GRIK3: variants seen among roughly 807,000 people sequenced by gnomAD.
The protein encoded by GRIK3 is glutamate receptor ionotropic, kainate 3.
In GRIK3, 29 loss-of-function variants were observed where a neutral mutation model predicts 102.5. The ratio of observed to expected loss-of-function variants is 0.28; its 90% CI spans 0.21 to 0.39. GRIK3 has a LOEUF of 0.39. Among genes scored for constraint, GRIK3 ranks in the 10% least tolerant of loss-of-function variants. GRIK3 has a pLI of 1.00. For missense variants in GRIK3, 908 were observed against 1,252.4 expected, an observed-to-expected ratio of 0.73 and a Z score of 4.15; for synonymous variants, 511 against 504.9, an observed-to-expected ratio of 1.01 and a Z score of -0.16.
intron 7 of GRIK3, among the ~76,000 whole-genome samples, chr1:36,854,549 C>G (rs548920601): frequency 5.3e-5 from 8 of 152,124 alleles, no homozygotes; most frequent in Non-Finnish European, 1.5e-5. Context: ...CTATGGCTAG[C>G]GGGTCAACCT....
intron 1 of GRIK3, among the ~76,000 whole-genome samples, chr1:37,020,099 G>T (rs1030748692): frequency 6.6e-6 from 1 of 152,104 alleles, no homozygotes; most frequent in Non-Finnish European, 1.5e-5. Flanking sequence ...TCTAGTCCAG[G>T]TGTTCCCAGC....
At position 36,855,778 on chromosome 1, in the gene GRIK3, G is replaced by A. The variant is rs1309824487; in HGVS notation, c.1105-2056C>T. On this transcript the variant is annotated intron_variant, in intron 7 of 15. Transcript: ENST00000373091. ...TGGGAAGGGAGGACCAGTCACTTGG[G>A]CCCTGGCCCAAGGCTCCAGTAGAAA... 6.6e-5 allele frequency among the ~76,000 whole-genome samples: 10 copies of A among 152,214 alleles called. No homozygotes were observed. The East Asian group carries it at 1.9e-3, about 29-fold the overall frequency.
chr1:36,872,279 G>A lies in GRIK3; in HGVS notation c.641C>T (p.Ser214Leu), dbSNP rs541445950. The A allele has an allele frequency of 1.4e-5, 22 of 1,613,136 alleles. No homozygotes were observed. Among genetic ancestry groups the A allele is most frequent in the Admixed American group, 3.3e-5 (2 of 59,872 alleles). Reference protein sequence around the residue: ...IRQLPIDSDDSRPLLKEMKRG... With the variant: ...IRQLPIDSDDLRPLLKEMKRG... Reference sequence around the variant, plus strand: ...CTTCATCTCCTTGAGCAAGGGGCGCGAGTCGTCAGAGTCGATGGGGAGCTG... The same window carrying A: ...CTTCATCTCCTTGAGCAAGGGGCGCAAGTCGTCAGAGTCGATGGGGAGCTG... Residue 214 changes from serine to leucine, a missense_variant, in exon 4 of 16, where the codon TCG becomes TTG. Coordinates refer to ENST00000373091, the MANE Select transcript of GRIK3 (RefSeq NM_000831.4). This position sits in a 1 kb window ranked among gnomAD's most constrained non-coding sequence, Gnocchi z 5.9.
chr1:36,958,961 CACCCCAT>C (rs1557441519), intron 1 of GRIK3, among the ~76,000 whole-genome samples: 7 of 71,924 alleles, frequency 9.7e-5, no homozygotes, highest in Admixed American at 4.2e-4. Context: ...TGTGAGCCTG[CACCCCAT>C]GAGCCTCTGT....
chr1:37,031,809 T>G (rs1038434628), intron 1 of GRIK3, among the ~76,000 whole-genome samples: 1 of 152,224 alleles, frequency 6.6e-6, no homozygotes, highest in Admixed American at 6.5e-5. Flanking sequence ...GCTCTTTCTG[T>G]CCATGTCCAC....
At chr1:36,932,350 T>G (rs578115115) in intron 1 of GRIK3, among the ~76,000 whole-genome samples, 1 of 152,176 alleles carries the variant, frequency 6.6e-6, no homozygotes, top group African/African-American at 2.4e-5. Context: ...CTCCCAAGCA[T>G]GCGACAGCCA....
chr1:36,975,581 C>T (rs939466909), intron 1 of GRIK3, among the ~76,000 whole-genome samples: 1 of 152,232 alleles, frequency 6.6e-6, no homozygotes, highest in African/African-American at 2.4e-5. Flanking sequence ...GCATGAGCCA[C>T]TGCGCCCAGC....
chr1:36,975,943 T>C (rs926837846), intron 1 of GRIK3, among the ~76,000 whole-genome samples: 5 of 152,152 alleles, frequency 3.3e-5, no homozygotes, highest in African/African-American at 9.7e-5. Flanking sequence ...GACATGAAAT[T>C]CGAATGAGCA....
intron 1 of GRIK3, among the ~76,000 whole-genome samples, chr1:36,940,290 C>G (rs898714326): frequency 6.6e-6 from 1 of 152,234 alleles, no homozygotes; most frequent in African/African-American, 2.4e-5. Flanking sequence ...CACAGAGGCC[C>G]TATGGCTCTA....
intron 5 of GRIK3, among the ~76,000 whole-genome samples, chr1:36,869,108 G>C (rs1640816653): frequency 1.3e-5 from 2 of 152,224 alleles, no homozygotes; most frequent in African/African-American, 2.4e-5. Flanking sequence ...TTTGGCACAG[G>C]AATCTCTTTA....
intron 5 of GRIK3, among the ~76,000 whole-genome samples, chr1:36,867,946 C>T (rs1304442499): frequency 6.6e-6 from 1 of 152,208 alleles, no homozygotes; most frequent in African/African-American, 2.4e-5. Flanking sequence ...CCCCTCAGCC[C>T]TGCAGCCTGG....
chr1:36,856,240 C>T (rs576620701), intron 7 of GRIK3, among the ~76,000 whole-genome samples: 2 of 152,336 alleles, frequency 1.3e-5, no homozygotes, highest in African/African-American at 2.4e-5. Flanking sequence ...CAGCAGGTGC[C>T]TTCAAACCTG....
At chr1:36,937,029 C>T (rs150662122) in intron 1 of GRIK3, among the ~76,000 whole-genome samples, 3 of 152,144 alleles carry the variant, frequency 2.0e-5, no homozygotes, top group East Asian at 1.9e-4. Flanking sequence ...TGGAGGATAT[C>T]GGGCTGTCCT....
chr1:36,881,029 G>C (rs1640971155), intron 2 of GRIK3, 138 bp from the exon 3 acceptor site: 1 of 873,826 alleles, frequency 1.1e-6, no homozygotes, highest in Admixed American at 2.6e-5. Flanking sequence ...TGAGCTCTCT[G>C]AACCTCAGTT....
intron 1 of GRIK3, among the ~76,000 whole-genome samples, chr1:36,952,161 G>A (rs1490669556): frequency 6.6e-6 from 1 of 152,146 alleles, no homozygotes; most frequent in African/African-American, 2.4e-5. Flanking sequence ...TCTTTCTGCT[G>A]TACAATACGT....
intron 3 of GRIK3, among the ~76,000 whole-genome samples, chr1:36,879,627 C>A (rs1640943925): frequency 6.6e-6 from 1 of 152,160 alleles, no homozygotes; most frequent in South Asian, 2.1e-4. Context: ...ACTTGAGAGG[C>A]AGGGGGTATC....
At chr1:36,953,795 G>A (rs1212607639) in intron 1 of GRIK3, among the ~76,000 whole-genome samples, 1 of 152,096 alleles carries the variant, frequency 6.6e-6, no homozygotes, top group African/African-American at 2.4e-5. Flanking sequence ...CAGAGGGGAT[G>A]CTCACACAGG....
chr1:36,817,524 A>G (rs1014327514), intron 12 of GRIK3, among the ~76,000 whole-genome samples: 4 of 152,236 alleles, frequency 2.6e-5, no homozygotes, highest in African/African-American at 9.6e-5. Flanking sequence ...GGGAACCAGC[A>G]ATATGTTTTG....
chr1:36,893,136 GTCTT>G (rs1371758438), intron 1 of GRIK3, among the ~76,000 whole-genome samples: 1 of 152,062 alleles, frequency 6.6e-6, no homozygotes, highest in Non-Finnish European at 1.5e-5. Flanking sequence ...GGTAGAGGAG[GTCTT>G]TCTAAGCCTT....
Sources: gnomAD v4.1 joint callset for allele counts (sites outside exome capture counted in the v4.1 genomes callset) on GRCh38, gnomAD v4.1.1 for gene constraint, Gnocchi (gnomAD v3.1) non-coding constraint, MANE v1.5 for transcripts, NCBI Gene and HGNC (gene_info 2026-07-23, HGNC 2026-07-21) for gene names.